STAG2: variants seen among roughly 807,000 people sequenced by gnomAD.
STAG2 encodes cohesin subunit SA-2.
A neutral mutation model predicts 108.1 loss-of-function variants in STAG2; 14 were observed. That is an observed-to-expected ratio of 0.13 (90% CI 0.09 to 0.20). The LOEUF (loss-of-function observed/expected upper bound fraction) is 0.20, where lower values mean the gene tolerates loss of function less well. Ranked by LOEUF, STAG2 falls within the 10% of genes least tolerant of loss-of-function variation. STAG2 has a pLI of 1.00. For synonymous variants in STAG2, 307 were observed against 302.7 expected, an observed-to-expected ratio of 1.01 and a Z score of -0.15; for missense variants, 440 against 940.9, an observed-to-expected ratio of 0.47 and a Z score of 6.96.
intron 4 of STAG2, among the ~76,000 whole-genome samples, chrX:124,029,462 C>T (rs781397082): frequency 7.2e-5 from 8 of 110,705 alleles, no homozygotes; most frequent in Admixed American, 4.8e-4. Context: ...AGGCGTATGC[C>T]GCCATGCCTG....
intron 1 of STAG2, among the ~76,000 whole-genome samples, chrX:123,987,544 G>C (rs911567991): frequency 2.7e-5 from 3 of 112,018 alleles, no homozygotes; most frequent in African/African-American, 9.7e-5. Flanking sequence ...CACCATGCCC[G>C]GCCTTTAAAT....
chrX:124,000,746 A>C (rs1212540647), intron 1 of STAG2, among the ~76,000 whole-genome samples: 1 of 111,545 alleles, frequency 9.0e-6, no homozygotes, highest in East Asian at 2.8e-4. Flanking sequence ...TTCCAGAAAA[A>C]GGCACTGTTA....
intron 9 of STAG2, among the ~76,000 whole-genome samples, 154 bp downstream of exon 9, chrX:124,047,659 T>C (rs1252344988): frequency 1.8e-5 from 2 of 112,005 alleles, no homozygotes; most frequent in African/African-American, 6.5e-5. Context: ...TTCTGATGAA[T>C]ATCCGTGCCA....
intron 1 of STAG2, among the ~76,000 whole-genome samples, chrX:123,965,343 T>C (rs760091338): frequency 8.0e-5 from 9 of 111,924 alleles, no homozygotes; most frequent in Admixed American, 1.9e-4. Context: ...CTTTCAAGTA[T>C]ATTTAGTTAG....
intron 27 of STAG2, among the ~76,000 whole-genome samples, chrX:124,079,803 A>T (rs1266392445): frequency 9.0e-6 from 1 of 111,448 alleles, no homozygotes; most frequent in Admixed American, 9.5e-5. Context: ...TGGCCTTGTT[A>T]CTCTTTTTTA....
rs1262644031 is a variant in STAG2 at position 124,065,952 on chromosome X, T to C, written c.2096+6T>C. On this transcript the variant is annotated splice_donor_region_variant and intron_variant, in intron 21 of 34. Transcript: ENST00000371145. ...AGGATCACTGCTTTTCATAAGTAAG[T>C]TGAATTTTGAAGTTCCTGTTTTCTT... is the stretch of plus-strand genomic sequence containing the variant. 9.5e-6 allele frequency: 11 copies of C among 1,157,468 alleles called. No individual in the cohort carries two copies. Among genetic ancestry groups the C allele is most frequent in the Non-Finnish European group, 1.3e-5 (11 of 865,825 alleles).
rs768837313 is a variant in STAG2, at chrX:123,974,857, A to T, written c.-163+13001A>T. Among the ~76,000 whole-genome samples the T allele has an allele frequency of 3.6e-5, 4 of 111,803 alleles. No homozygotes were observed. The Admixed American group carries it at 3.8e-4, about 11-fold the overall frequency. On this transcript the variant is annotated intron_variant, in intron 1 of 34. Coordinates refer to ENST00000371145, the MANE Select transcript of STAG2 (RefSeq NM_001042750.2). ...CTCCCAAAGTGCTGGGATTACAGGC[A>T]TGAGCCACCACACCCGGCCTAGTAT...
chrX:123,997,925 G>A (rs962912124), intron 1 of STAG2, among the ~76,000 whole-genome samples: 1 of 112,319 alleles, frequency 8.9e-6, no homozygotes, highest in Admixed American at 9.5e-5. Flanking sequence ...ACAGGCGTGA[G>A]CCACTGCGCC....
chrX:124,066,287 C>A lies in STAG2; in HGVS notation c.2184+25C>A, dbSNP rs748102620. ...GGTTTTTATTTATTTGCTAGTTACACATTTATCTTTGAAAAGTGAAGTCTT... is the reference window on the plus strand; with the variant it reads ...GGTTTTTATTTATTTGCTAGTTACAAATTTATCTTTGAAAAGTGAAGTCTT... On this transcript the variant is annotated intron_variant, in intron 22 of 34. Coordinates refer to ENST00000371145, the MANE Select transcript of STAG2 (RefSeq NM_001042750.2). 4 of 1,182,189 alleles carry A rather than the reference C, an allele frequency of 3.4e-6. No homozygotes were observed. The African/African-American group carries it at 7.1e-5, about 21-fold the overall frequency.
chrX:124,021,956 T>C (rs2056942185), intron 2 of STAG2, among the ~76,000 whole-genome samples: 1 of 111,498 alleles, frequency 9.0e-6, no homozygotes, highest in African/African-American at 3.3e-5. Flanking sequence ...TGTATTAATA[T>C]ATATATAAAG....
intron 1 of STAG2, among the ~76,000 whole-genome samples, chrX:124,018,270 A>G (rs2147969467): frequency 8.9e-6 from 1 of 112,598 alleles, no homozygotes; most frequent in Non-Finnish European, 1.9e-5. Context: ...TTTTTTAAAA[A>G]GTTAATAACC....
chrX:124,015,133 C>G (rs2147946614), intron 1 of STAG2, among the ~76,000 whole-genome samples: 1 of 105,757 alleles, frequency 9.5e-6, no homozygotes, highest in South Asian at 4.4e-4. Context: ...ACTACAGACC[C>G]CCAACCACCA....
At chrX:124,093,484 T>C (rs2148501182) in intron 32 of STAG2, among the ~76,000 whole-genome samples, 1 of 107,738 alleles carries the variant, frequency 9.3e-6, no homozygotes, top group South Asian at 4.1e-4. Flanking sequence ...TTTTTTTTTT[T>C]TTTTTTTTAA....
intron 3 of STAG2, among the ~76,000 whole-genome samples, chrX:124,023,009 G>T: frequency 8.9e-6 from 1 of 112,374 alleles, no homozygotes; most frequent in Non-Finnish European, 1.9e-5. Flanking sequence ...CATTAGTGAG[G>T]TATACCATGT....
At position 124,030,946 on chromosome X, in the gene STAG2, G is replaced by A. The variant is rs934899657; in HGVS notation, c.124-15G>A. 8 of 1,181,063 alleles carry A rather than the reference G, an allele frequency of 6.8e-6. No homozygotes were observed. The highest frequency in any genetic ancestry group is 2.5e-5 in the Admixed American group (1 of 40,393). On this transcript the variant is annotated splice_polypyrimidine_tract_variant and intron_variant, in intron 4 of 34. Transcript: ENST00000371145. ...GATAGTGATATAACTTAACCACCTC[G>A]TATTTTTTATGCAGACTTGTAAAAA...
chrX:124,056,731 T>TAAAAA (rs771229412), intron 14 of STAG2, among the ~76,000 whole-genome samples: 22 of 42,370 alleles, frequency 5.2e-4, no homozygotes, highest in Non-Finnish European at 8.2e-4. Flanking sequence ...AGACTCCATC[T>TAAAAA]AAAAAAAAAA....
At chrX:123,999,643 C>T (rs1477223634) in intron 1 of STAG2, among the ~76,000 whole-genome samples, 1 of 111,207 alleles carries the variant, frequency 9.0e-6, no homozygotes, top group African/African-American at 3.3e-5. Flanking sequence ...GACAGTCTTG[C>T]CTCTGTCGCT....
intron 25 of STAG2, among the ~76,000 whole-genome samples, chrX:124,074,105 G>C (rs183805581): frequency 1.8e-5 from 2 of 112,208 alleles, no homozygotes; most frequent in East Asian, 5.6e-4. Context: ...TATGAAATGA[G>C]ATCTTGCTAT....
intron 11 of STAG2, 97 bp downstream of exon 11, chrX:124,050,406 C>T (rs929629547): frequency 1.1e-5 from 10 of 904,729 alleles, no homozygotes; most frequent in Non-Finnish European, 1.5e-5. Context: ...TACCTGGTGA[C>T]ACATTTCTGG....
Sources: gnomAD v4.1 joint callset for allele counts (sites outside exome capture counted in the v4.1 genomes callset) on GRCh38, gnomAD v4.1.1 for gene constraint, MANE v1.5 for transcripts, NCBI Gene and HGNC (gene_info 2026-07-23, HGNC 2026-07-21) for gene names.